SPOCK3: variants seen among roughly 807,000 people sequenced by gnomAD.
SPOCK3 encodes the protein testican-3.
Under a neutral mutation model 56.6 loss-of-function variants are expected in SPOCK3, and 30 were observed. The observed-to-expected ratio is 0.53, with a 90% CI of 0.40 to 0.72. The LOEUF (loss-of-function observed/expected upper bound fraction) is 0.72, where lower values mean the gene tolerates loss of function less well. Among genes scored for constraint, SPOCK3 ranks in the 30% least tolerant of loss-of-function variants. The pLI is 0.00. For synonymous variants in SPOCK3, 196 were observed against 183.3 expected, an observed-to-expected ratio of 1.07 and a Z score of -0.56; for missense variants, 527 against 530.0, an observed-to-expected ratio of 0.99 and a Z score of 0.06.
At chr4:166,818,656 T>C (rs946481174) in intron 6 of SPOCK3, among the ~76,000 whole-genome samples, 1 of 152,032 alleles carries the variant, frequency 6.6e-6, no homozygotes, top group African/African-American at 2.4e-5. Context: ...TTATCACAAC[T>C]AATGGTAAAA....
chr4:167,134,566 A>C (rs1230068023), intron 2 of SPOCK3, among the ~76,000 whole-genome samples: 1 of 152,126 alleles, frequency 6.6e-6, no homozygotes, highest in African/African-American at 2.4e-5. Flanking sequence ...TTGTCACTTT[A>C]AGAATTTCTA....
intron 6 of SPOCK3, among the ~76,000 whole-genome samples, chr4:166,823,105 G>T (rs192709662): frequency 8.0e-4 from 122 of 152,024 alleles, no homozygotes; most frequent in African/African-American, 2.8e-3. Flanking sequence ...TGGACTTTCC[G>T]AAAAGGTTTC....
chr4:167,117,545 T>C (rs893009333), intron 2 of SPOCK3, among the ~76,000 whole-genome samples: 6 of 152,082 alleles, frequency 3.9e-5, no homozygotes, highest in African/African-American at 1.4e-4. Flanking sequence ...TGAAGAGTTA[T>C]AGGCTAGAAC....
chr4:166,962,904 G>C (rs529122945), intron 4 of SPOCK3, among the ~76,000 whole-genome samples: 28 of 152,162 alleles, frequency 1.8e-4, no homozygotes, highest in African/African-American at 5.8e-4. Flanking sequence ...TTAATCATGA[G>C]AATGTCAACA....
chr4:166,790,233 A>C (rs931200577), intron 7 of SPOCK3, among the ~76,000 whole-genome samples: 2 of 152,178 alleles, frequency 1.3e-5, no homozygotes, highest in African/African-American at 4.8e-5. Flanking sequence ...AGAGAGACAG[A>C]GACATTTAAA....
Position 166,807,817 on chromosome 4 carries a change from T to G in SPOCK3, c.590-15528A>C, listed in dbSNP as rs115592171. Reference sequence around the variant, plus strand: ...ATACTTTCCAATTCTTGATCTCAGATGGCATTTGAGTTACATAATATTTTC... The same window carrying G: ...ATACTTTCCAATTCTTGATCTCAGAGGGCATTTGAGTTACATAATATTTTC... On this transcript the variant is annotated intron_variant, in intron 6 of 10. Coordinates refer to ENST00000357545, the MANE Select transcript of SPOCK3 (RefSeq NM_001040159.2). 5.9e-3 allele frequency among the ~76,000 whole-genome samples: 892 copies of G among 152,296 alleles called. 7 individuals are homozygous for G. The highest frequency in any genetic ancestry group is 0.02 in the African/African-American group (844 of 41,572).
chr4:166,783,690 T>C (rs952382846), intron 7 of SPOCK3, among the ~76,000 whole-genome samples: 9 of 152,120 alleles, frequency 5.9e-5, no homozygotes, highest in Non-Finnish European at 1.3e-4. Context: ...CAGTCCTTGA[T>C]GTTTTCTCAT....
At chr4:167,049,822 G>C (rs370647134) in intron 3 of SPOCK3, among the ~76,000 whole-genome samples, 147 of 152,184 alleles carry the variant, frequency 9.7e-4, no homozygotes, top group African/African-American at 3.2e-3. Flanking sequence ...TATGCCAAAT[G>C]ATTGACCCTT....
At chr4:166,828,345 T>C (rs1745693105) in intron 6 of SPOCK3, among the ~76,000 whole-genome samples, 2 of 152,052 alleles carry the variant, frequency 1.3e-5, no homozygotes, top group Admixed American at 1.3e-4. Flanking sequence ...AAAATTTCCT[T>C]TGTATTCAAT....
chr4:166,801,213 T>C (rs1474944159), intron 6 of SPOCK3, among the ~76,000 whole-genome samples: 1 of 152,030 alleles, frequency 6.6e-6, no homozygotes, highest in Admixed American at 6.6e-5. Flanking sequence ...AACTCAAACA[T>C]GGGGGTATCA....
At chr4:166,894,967 G>C (rs949260040) in intron 5 of SPOCK3, among the ~76,000 whole-genome samples, 2 of 151,964 alleles carry the variant, frequency 1.3e-5, no homozygotes, top group African/African-American at 4.8e-5. Context: ...CTGGACACAT[G>C]GATGATCCTA....
At chr4:166,949,774 C>T (rs571087575) in intron 4 of SPOCK3, among the ~76,000 whole-genome samples, 1 of 152,100 alleles carries the variant, frequency 6.6e-6, no homozygotes, top group South Asian at 2.1e-4. Flanking sequence ...GAGTGGGGGC[C>T]AATATTCAGC....
chr4:167,020,078 T>C (rs1343986095), intron 3 of SPOCK3, among the ~76,000 whole-genome samples: 3 of 152,064 alleles, frequency 2.0e-5, no homozygotes, highest in Non-Finnish European at 4.4e-5. Context: ...TTGGGACCTT[T>C]TGTTACTGTA....
intron 6 of SPOCK3, among the ~76,000 whole-genome samples, chr4:166,839,989 C>A (rs1243749042): frequency 6.6e-6 from 1 of 152,156 alleles, no homozygotes; most frequent in Non-Finnish European, 1.5e-5. Flanking sequence ...TTTGAGCTTG[C>A]GTTTTAGTGT....
intron 4 of SPOCK3, among the ~76,000 whole-genome samples, chr4:166,918,015 C>A (rs17520763): frequency 6.6e-6 from 1 of 151,990 alleles, no homozygotes; most frequent in African/African-American, 2.4e-5. Context: ...TACTATTTCA[C>A]GTCCCAAATC....
rs113284526 is a variant in SPOCK3 at position 166,838,731 on chromosome 4, A to G, written c.590-46442T>C. Among the ~76,000 whole-genome samples the G allele has an allele frequency of 2.5e-3, 354 of 140,554 alleles. 4 individuals are homozygous for G. The highest frequency in any genetic ancestry group is 8.7e-3 in the African/African-American group (331 of 38,178). 92.2% of individuals were successfully genotyped at this position (140,554 alleles called of 152,430 possible). A position where few individuals can be genotyped will look rare whatever the true frequency, so the allele number is the denominator to read the frequency against. Reference sequence around the variant, plus strand: ...ACTTTTGGGAGGCCGTGAGCGGATCACAAAGTCAGGAGATCGAGACTATCC... The same window carrying G: ...ACTTTTGGGAGGCCGTGAGCGGATCGCAAAGTCAGGAGATCGAGACTATCC... On this transcript the variant is annotated intron_variant, in intron 6 of 10. Coordinates refer to ENST00000357545, the MANE Select transcript of SPOCK3 (RefSeq NM_001040159.2).
intron 3 of SPOCK3, among the ~76,000 whole-genome samples, chr4:167,057,374 T>G (rs1755017963): frequency 1.3e-5 from 2 of 152,104 alleles, no homozygotes; most frequent in African/African-American, 2.4e-5. Flanking sequence ...AGAAACTGCA[T>G]CAACTAACGA....
chr4:166,929,263 G>A (rs1053659565), intron 4 of SPOCK3, among the ~76,000 whole-genome samples: 1 of 152,150 alleles, frequency 6.6e-6, no homozygotes, highest in Non-Finnish European at 1.5e-5. Flanking sequence ...ATGGTTTAGT[G>A]CTCTGAGAAT....
intron 6 of SPOCK3, among the ~76,000 whole-genome samples, chr4:166,830,790 A>G (rs1021525537): frequency 1.3e-5 from 2 of 152,048 alleles, no homozygotes; most frequent in African/African-American, 4.8e-5. Flanking sequence ...GTATTTTCCT[A>G]TGTTTTTGGG....
Sources: allele counts gnomAD v4.1 joint callset (sites outside exome capture counted in the v4.1 genomes callset), GRCh38; gene constraint gnomAD v4.1.1; transcripts MANE v1.5; gene names NCBI Gene and HGNC (gene_info 2026-07-23, HGNC 2026-07-21).